ABHD3: variants seen among roughly 807,000 people sequenced by gnomAD.
The protein encoded by ABHD3 is phospholipase ABHD3.
In ABHD3, 46 loss-of-function variants were observed where a neutral mutation model predicts 48.8. That is an observed-to-expected ratio of 0.94 (90% CI 0.74 to 1.20). ABHD3 has a LOEUF of 1.20. Ranked by LOEUF, ABHD3 falls within the 50% of genes most tolerant of loss-of-function variation. The pLI, the probability that ABHD3 is intolerant of heterozygous loss-of-function variation, is 0.00. For synonymous variants in ABHD3, 192 were observed against 183.7 expected, an observed-to-expected ratio of 1.04 and a Z score of -0.36; for missense variants, 490 against 497.8, an observed-to-expected ratio of 0.98 and a Z score of 0.15.
chr18:21,667,225 C>G (rs543982364), intron 4 of ABHD3, among the ~76,000 whole-genome samples: 52 of 147,176 alleles, frequency 3.5e-4, no homozygotes, highest in African/African-American at 1.2e-3. Context: ...AGGCGCCCAC[C>G]ACCACACCCT....
At chr18:21,676,190 C>T (rs1218246670) in intron 4 of ABHD3, among the ~76,000 whole-genome samples, 3 of 152,138 alleles carry the variant, frequency 2.0e-5, no homozygotes, top group Admixed American at 2.0e-4. Context: ...ATTTTATAGC[C>T]ATCATGATGT....
intron 4 of ABHD3, among the ~76,000 whole-genome samples, chr18:21,674,774 T>TGA (rs1358479876): frequency 6.6e-6 from 1 of 152,104 alleles, no homozygotes; most frequent in Non-Finnish European, 1.5e-5. Flanking sequence ...GTACTGCATG[T>TGA]GAGAAAGGCA....
intron 4 of ABHD3, among the ~76,000 whole-genome samples, chr18:21,680,154 AAGGTATGTGT>A (rs1406614690): frequency 6.6e-6 from 1 of 151,932 alleles, no homozygotes; most frequent in Non-Finnish European, 1.5e-5. Context: ...GCTGGGACTA[AAGGTATGTGT>A]CACTACACCT....
chr18:21,666,173 G>C (rs968051643), intron 4 of ABHD3, among the ~76,000 whole-genome samples: 1 of 151,718 alleles, frequency 6.6e-6, no homozygotes, highest in Non-Finnish European at 1.5e-5. Flanking sequence ...AGCTGGGACT[G>C]CAGGTGTGCA....
Position 21,651,741 on chromosome 18 carries a change from C to A in ABHD3, c.1080G>T (p.Lys360Asn). 1 of 1,572,494 alleles carries A rather than the reference C, an allele frequency of 6.4e-7. No individual in the cohort carries two copies. The highest frequency in any genetic ancestry group is 2.3e-5 in the East Asian group (1 of 43,340). Residue 360 changes from lysine (K) to asparagine (N), a missense_variant, in exon 9 of 9, where the codon AAG becomes AAT. By Grantham distance (94) the Lys-to-Asn change is moderately conservative. Coordinates refer to ENST00000289119, the MANE Select transcript of ABHD3 (RefSeq NM_138340.5). The stretch of plus-strand genomic sequence containing the variant: ...GGACCAAAGCAACATTAGGATTTTG[C>A]TTAGCAGTTTCTATTGGAATAGCTT... ...PSHAIPIETA[K>N]QNPNVALVLT...
intron 3 of ABHD3, among the ~76,000 whole-genome samples, chr18:21,698,554 T>C (rs1052654437): frequency 6.6e-6 from 1 of 151,236 alleles, no homozygotes; most frequent in African/African-American, 2.5e-5. Flanking sequence ...CATTTTCTTT[T>C]TTTTCTTTTT....
intron 5 of ABHD3, chr18:21,663,554 G>T: frequency 1.1e-6 from 1 of 938,304 alleles, no homozygotes; most frequent in Non-Finnish European, 1.5e-6. Context: ...CAGCACAAAT[G>T]ACAATATCCG....
intron 4 of ABHD3, among the ~76,000 whole-genome samples, chr18:21,677,667 GTT>G (rs2039915735): frequency 6.6e-6 from 1 of 151,530 alleles, no homozygotes; most frequent in South Asian, 2.1e-4. Flanking sequence ...TTACTTTTTT[GTT>G]TTTGGTTATT....
At position 21,659,205 on chromosome 18, in the gene ABHD3, G is replaced by A; in HGVS notation, c.807C>T (p.Tyr269=). 2 of 1,613,778 alleles carry A rather than the reference G, an allele frequency of 1.2e-6. No homozygotes were observed. Among genetic ancestry groups the A allele is most frequent in the East Asian group, 2.2e-5 (1 of 44,850 alleles). ...AAGACTGAAGGCAGGTTGTCAAATA[G>A]TAATTAAAAAGTAGCCAGTTCAGTG... ...EKPLNWLLFN[Y]YLTTCLQSSV... is the part of the protein sequence containing the mutation. The change falls in exon 6 of 9, where the codon TAC becomes TAT. Residue 269 remains tyrosine, a synonymous_variant. Transcript: ENST00000289119.
chr18:21,690,840 C>CA (rs1418820100), intron 3 of ABHD3, among the ~76,000 whole-genome samples: 1 of 151,538 alleles, frequency 6.6e-6, no homozygotes, highest in African/African-American at 2.4e-5. Context: ...ACTAAAAGTA[C>CA]AAAAATTAGC....
Position 21,651,547 on chromosome 18 carries a change from T to C in ABHD3, c.*44A>G. Reference sequence around the variant, plus strand: ...AATTTGTGCACTAAGCTGAGCTGCCTTCACAATTGTGGTTCAGACAAAATG... The same window carrying C: ...AATTTGTGCACTAAGCTGAGCTGCCCTCACAATTGTGGTTCAGACAAAATG... On this transcript the variant is annotated 3_prime_UTR_variant, in exon 9 of 9. Coordinates refer to ENST00000289119, the MANE Select transcript of ABHD3 (RefSeq NM_138340.5). 2.5e-6 allele frequency: 4 copies of C among 1,610,300 alleles called. No individual in the cohort carries two copies. Among genetic ancestry groups the C allele is most frequent in the Non-Finnish European group, 3.4e-6 (4 of 1,178,052 alleles).
chr18:21,698,939 CTTT>C (rs59134939), intron 3 of ABHD3, among the ~76,000 whole-genome samples: 6 of 147,684 alleles, frequency 4.1e-5, no homozygotes, highest in African/African-American at 1.5e-4. Context: ...GTACTTTACA[CTTT>C]TTTTTTTTTG....
chr18:21,689,409 C>T (rs60130570), intron 3 of ABHD3, among the ~76,000 whole-genome samples: 1,590 of 151,760 alleles, frequency 0.01, 33 homozygotes, highest in African/African-American at 0.036. Context: ...ATTAGCCATG[C>T]GTGGTGGCAG....
intron 4 of ABHD3, chr18:21,682,103 C>T (rs2040016511): frequency 6.6e-6 from 1 of 152,432 alleles, no homozygotes. Context: ...TGCCACTGCA[C>T]TCCAGCCTGG....
chr18:21,660,147 A>AT lies in ABHD3; in HGVS notation c.669-805dup, dbSNP rs1303103294. On this transcript the variant is annotated intron_variant, in intron 5 of 8. Transcript: ENST00000289119. The stretch of plus-strand genomic sequence containing the variant: ...CAGCTAATTAAAAAAAAAAAAAAAA[A>AT]TTTTTTTTTTTTTTTTGTAGAGATG... Among the ~76,000 whole-genome samples the AT allele has an allele frequency of 8.0e-3, 668 of 83,772 alleles. 1 individual carries two copies. Among genetic ancestry groups the AT allele is most frequent in the South Asian group, 0.01 (25 of 2,458 alleles). 55.0% of individuals were successfully genotyped at this position (83,772 alleles called of 152,430 possible).
At position 21,664,237 on chromosome 18, in the gene ABHD3, G is replaced by A; in HGVS notation, c.556-7C>T. ...AACAATAAGTCCTTGGCGTCTGGAA[G>A]TAGTGACAAGTAAAGCACAAAAATT... On this transcript the variant is annotated splice_region_variant and splice_polypyrimidine_tract_variant and intron_variant, in intron 4 of 8. Transcript: ENST00000289119. The A allele has an allele frequency of 2.5e-6, 4 of 1,601,110 alleles. No homozygotes were observed. The highest frequency in any genetic ancestry group is 1.7e-6 in the Non-Finnish European group (2 of 1,176,992).
intron 5 of ABHD3, among the ~76,000 whole-genome samples, chr18:21,662,920 A>G (rs565466853): frequency 1.3e-5 from 2 of 152,314 alleles, no homozygotes; most frequent in African/African-American, 4.8e-5. Flanking sequence ...TTAAGGGAAA[A>G]GTTCAGCTCT....
At chr18:21,696,913 C>T (rs1598561920) in intron 3 of ABHD3, among the ~76,000 whole-genome samples, 1 of 151,972 alleles carries the variant, frequency 6.6e-6, no homozygotes, top group East Asian at 1.9e-4. Flanking sequence ...AGGTGGTAGA[C>T]ATAACTGATT....
At chr18:21,693,817 T>C (rs2040306930) in intron 3 of ABHD3, among the ~76,000 whole-genome samples, 1 of 152,180 alleles carries the variant, frequency 6.6e-6, no homozygotes, top group African/African-American at 2.4e-5. Flanking sequence ...AAAAAAATAT[T>C]CTGGTGTTAA....
Sources: gnomAD v4.1 joint callset for allele counts (sites outside exome capture counted in the v4.1 genomes callset) on GRCh38, gnomAD v4.1.1 for gene constraint, MANE v1.5 for transcripts, NCBI Gene and HGNC (gene_info 2026-07-23, HGNC 2026-07-21) for gene names.